TMEFF1: variants seen among roughly 807,000 people sequenced by gnomAD.
TMEFF1 encodes transmembrane protein with EGF like and two follistatin like domains 1, also known as tomoregulin-1.
In TMEFF1, 20 loss-of-function variants were observed where a neutral mutation model predicts 47.5. That is an observed-to-expected ratio of 0.42 (90% CI 0.30 to 0.61). The LOEUF (loss-of-function observed/expected upper bound fraction) is 0.61. Ranked by LOEUF, TMEFF1 falls within the 20% of genes least tolerant of loss-of-function variation. The pLI is 0.19. For missense variants in TMEFF1, 411 were observed against 471.1 expected (o/e 0.87, Z 1.18); for synonymous variants, 162 against 166.3 (o/e 0.97, Z 0.20).
intron 7 of TMEFF1, among the ~76,000 whole-genome samples, chr9:100,556,002 C>T (rs1356830184): frequency 1.3e-5 from 2 of 152,150 alleles, no homozygotes; most frequent in African/African-American, 4.8e-5. Context: ...CTGCTCCTTC[C>T]CTTTGTACCA....
rs528095382 is a variant in TMEFF1, at chr9:100,557,989, A to G, written c.776-3408A>G. Among the ~76,000 whole-genome samples the G allele has an allele frequency of 7.2e-5, 11 of 152,266 alleles. 1 individual carries two copies. The South Asian group carries it at 2.3e-3, about 32-fold the overall frequency. ...CACAGGATTCAAAGCCTTATTAGAC[A>G]TGTTCATGTTTTATATAGCCTCACT... On this transcript the variant is annotated intron_variant, in intron 7 of 9. Coordinates refer to ENST00000374879, the MANE Select transcript of TMEFF1 (RefSeq NM_003692.5).
chr9:100,561,592 G>A, intron 8 of TMEFF1, 72 bp downstream of exon 8: 1 of 1,458,978 alleles, frequency 6.9e-7, no homozygotes, highest in Admixed American at 2.3e-5. Context: ...AGAAGGGAAT[G>A]AAATGTAGAC....
intron 5 of TMEFF1, among the ~76,000 whole-genome samples, chr9:100,517,718 A>G (rs80237365): frequency 0.096 from 14,617 of 152,264 alleles, 959 homozygotes; most frequent in Middle Eastern, 0.15. Flanking sequence ...GTTTCTGCAT[A>G]TTGGTCACAT....
Position 100,536,196 on chromosome 9 carries a change from C to T in TMEFF1, c.561-11548C>T, listed in dbSNP as rs954584433. ...AGTAAAACTAATGGTATGTGTATAT[C>T]AAGACCCTATTGAGAGAATCTGAAA... On this transcript the variant is annotated intron_variant, in intron 5 of 9. Transcript: ENST00000374879. Among the ~76,000 whole-genome samples the T allele has an allele frequency of 1.1e-4, 17 of 152,184 alleles. No individual in the cohort carries two copies. In the South Asian group the frequency reaches 1.2e-3, roughly 11 times the overall value.
At chr9:100,486,563 A>G (rs1293751822) in intron 1 of TMEFF1, among the ~76,000 whole-genome samples, 1 of 152,144 alleles carries the variant, frequency 6.6e-6, no homozygotes, top group Non-Finnish European at 1.5e-5. Flanking sequence ...AAAAATATTC[A>G]TGTTGTTTTG....
intron 1 of TMEFF1, among the ~76,000 whole-genome samples, chr9:100,487,378 G>A: frequency 6.6e-6 from 1 of 152,064 alleles, no homozygotes; most frequent in South Asian, 2.1e-4. Flanking sequence ...ATGTTTGCTA[G>A]GCTGGTCTCG....
chr9:100,548,531 C>T (rs1447919294), intron 6 of TMEFF1, among the ~76,000 whole-genome samples: 1 of 152,138 alleles, frequency 6.6e-6, no homozygotes, highest in Non-Finnish European at 1.5e-5. Context: ...TTTCTTTCCC[C>T]AGTAATATTC....
At chr9:100,516,456 C>A (rs1838076082) in intron 4 of TMEFF1, among the ~76,000 whole-genome samples, 1 of 152,112 alleles carries the variant, frequency 6.6e-6, no homozygotes. Flanking sequence ...TTTAAGGGAT[C>A]ATTTTTCAGC....
intron 5 of TMEFF1, among the ~76,000 whole-genome samples, chr9:100,533,351 T>A (rs531555517): frequency 2.0e-5 from 3 of 152,314 alleles, no homozygotes; most frequent in African/African-American, 7.2e-5. Flanking sequence ...CCTTTTTTTT[T>A]AGAACTTGAT....
intron 5 of TMEFF1, among the ~76,000 whole-genome samples, chr9:100,520,027 G>A (rs1838136735): frequency 2.0e-5 from 3 of 152,086 alleles, no homozygotes. Flanking sequence ...TACTGGCAGT[G>A]AACCACTAAA....
intron 1 of TMEFF1, among the ~76,000 whole-genome samples, chr9:100,475,714 AC>A (rs2118217861): frequency 8.3e-6 from 1 of 120,598 alleles, no homozygotes; most frequent in South Asian, 2.7e-4. Context: ...ATGCAGAGCG[AC>A]TGTGTGTGTG....
chr9:100,542,822 A>G (rs1166015616), intron 5 of TMEFF1, among the ~76,000 whole-genome samples: 1 of 151,988 alleles, frequency 6.6e-6, no homozygotes, highest in Non-Finnish European at 1.5e-5. Flanking sequence ...GAAAGTTTGA[A>G]GAGAAGTTGC....
chr9:100,541,348 A>ATTTT (rs34971752), intron 5 of TMEFF1, among the ~76,000 whole-genome samples: 12 of 106,736 alleles, frequency 1.1e-4, no homozygotes, highest in Non-Finnish European at 1.4e-4. Context: ...TGGCAATTTC[A>ATTTT]TTTTTTTTTT....
Position 100,512,520 on chromosome 9 carries a change from A to G in TMEFF1, c.437-787A>G, listed in dbSNP as rs138601736. On this transcript the variant is annotated intron_variant, in intron 3 of 9. Coordinates refer to ENST00000374879, the MANE Select transcript of TMEFF1 (RefSeq NM_003692.5). Reference sequence around the variant, plus strand: ...CTGGCAAGTGCTAGATAAAGCATCAAATTCCTCACTTGCTCTCTCTGCTTT... The same window carrying G: ...CTGGCAAGTGCTAGATAAAGCATCAGATTCCTCACTTGCTCTCTCTGCTTT... Among the ~76,000 whole-genome samples the G allele has an allele frequency of 8.7e-4, 133 of 152,248 alleles. 1 individual carries two copies. The highest frequency in any genetic ancestry group is 2.7e-3 in the Admixed American group (42 of 15,288).
At chr9:100,527,265 G>A (rs368245535) in intron 5 of TMEFF1, among the ~76,000 whole-genome samples, 4 of 152,198 alleles carry the variant, frequency 2.6e-5, no homozygotes, top group Non-Finnish European at 5.9e-5. Context: ...GAACAGCTCC[G>A]GTCTACAGCT....
intron 3 of TMEFF1, among the ~76,000 whole-genome samples, chr9:100,510,779 A>G (rs1328529527): frequency 6.6e-6 from 1 of 151,974 alleles, no homozygotes; most frequent in African/African-American, 2.4e-5. Context: ...CCTGATATTC[A>G]TAGTTTTTAT....
chr9:100,500,789 A>G (rs1378989507), intron 2 of TMEFF1, among the ~76,000 whole-genome samples: 1 of 152,160 alleles, frequency 6.6e-6, no homozygotes, highest in Non-Finnish European at 1.5e-5. Flanking sequence ...TATCCTATAC[A>G]TTGTGAATCA....
intron 5 of TMEFF1, among the ~76,000 whole-genome samples, chr9:100,542,075 T>C (rs936584813): frequency 1.3e-5 from 2 of 152,176 alleles, no homozygotes; most frequent in African/African-American, 4.8e-5. Flanking sequence ...TTTTATACTT[T>C]TGTCTTGCTT....
intron 5 of TMEFF1, among the ~76,000 whole-genome samples, chr9:100,533,896 T>G (rs935383055): frequency 2.6e-5 from 4 of 152,092 alleles, no homozygotes; most frequent in African/African-American, 9.7e-5. Context: ...TGTTTGTATT[T>G]TTAGTAGAGA....
Sources: gnomAD v4.1 joint callset for allele counts (sites outside exome capture counted in the v4.1 genomes callset) on GRCh38, gnomAD v4.1.1 for gene constraint, MANE v1.5 for transcripts, NCBI Gene and HGNC (gene_info 2026-07-23, HGNC 2026-07-21) for gene names.